The following HACE1 variants were observed in gnomAD, a reference collection of about 807,000 sequenced individuals.
HACE1 encodes the protein HECT domain and ankyrin repeat containing E3 ubiquitin protein ligase 1, also known as E3 ubiquitin-protein ligase HACE1.
A neutral mutation model predicts 118.4 loss-of-function variants in HACE1; 73 were observed. The observed-to-expected ratio is 0.62, with a 90% CI of 0.51 to 0.75. The LOEUF is 0.75. Among genes scored for constraint, HACE1 ranks in the 30% least tolerant of loss-of-function variants. The pLI, the probability that HACE1 is intolerant of heterozygous loss-of-function variation, is 0.00. For synonymous variants in HACE1, 368 were observed against 374.8 expected (o/e 0.98, Z 0.21); for missense variants, 749 against 1,102.2 (o/e 0.68, Z 4.54).
chr6:104,738,094 T>A (rs1215937471), intron 22 of HACE1, among the ~76,000 whole-genome samples: 1 of 151,698 alleles, frequency 6.6e-6, no homozygotes, highest in Non-Finnish European at 1.5e-5. Context: ...CCAACAGACC[T>A]GCAGCTGAGG....
intron 22 of HACE1, among the ~76,000 whole-genome samples, chr6:104,743,002 G>C (rs1776952222): frequency 6.6e-6 from 1 of 152,102 alleles, no homozygotes; most frequent in African/African-American, 2.4e-5. Context: ...ATGAGTTCAT[G>C]TTCTTCGTAG....
chr6:104,825,733 A>G (rs530636188), intron 6 of HACE1, among the ~76,000 whole-genome samples: 1 of 152,304 alleles, frequency 6.6e-6, no homozygotes, highest in South Asian at 2.1e-4. Context: ...CAGAACCTTG[A>G]GCAGCTGCTG....
chr6:104,859,522 C>A, intron 1 of HACE1, 45 bp downstream of exon 1: 1 of 1,408,890 alleles, frequency 7.1e-7, no homozygotes, highest in Non-Finnish European at 9.4e-7. Flanking sequence ...GCCCCACTGG[C>A]CGCCCCCAGC....
chr6:104,733,727 T>G (rs547394592), intron 22 of HACE1, among the ~76,000 whole-genome samples: 1 of 149,500 alleles, frequency 6.7e-6, no homozygotes, highest in Non-Finnish European at 1.5e-5. Context: ...TGTGTGCACC[T>G]GTAATTGGAG....
At chr6:104,816,708 G>C (rs962878552) in intron 6 of HACE1, among the ~76,000 whole-genome samples, 1 of 152,094 alleles carries the variant, frequency 6.6e-6, no homozygotes, top group African/African-American at 2.4e-5. Flanking sequence ...CCACCCCCCA[G>C]ACCCAACAAT....
intron 7 of HACE1, among the ~76,000 whole-genome samples, chr6:104,799,639 A>G (rs1770079600): frequency 6.6e-6 from 1 of 152,204 alleles, no homozygotes; most frequent in Non-Finnish European, 1.5e-5. Context: ...CAGAATTTGA[A>G]TCTGCATCAG....
intron 10 of HACE1, among the ~76,000 whole-genome samples, chr6:104,793,295 C>A (rs1783261557): frequency 6.6e-6 from 1 of 151,328 alleles, no homozygotes; most frequent in Non-Finnish European, 1.5e-5. Context: ...AATTAATTTC[C>A]TAACTCAAAC....
At chr6:104,839,167 A>G (rs1224446602) in intron 5 of HACE1, among the ~76,000 whole-genome samples, 2 of 152,194 alleles carry the variant, frequency 1.3e-5, no homozygotes, top group African/African-American at 2.4e-5. Context: ...GTGAATTAGT[A>G]TAGCCACTAC....
intron 22 of HACE1, among the ~76,000 whole-genome samples, chr6:104,735,850 T>C (rs1056176809): frequency 4.6e-5 from 7 of 152,042 alleles, no homozygotes; most frequent in Non-Finnish European, 1.0e-4. Context: ...TATTCATAAA[T>C]AGGAAAATTT....
At chr6:104,833,634 A>G (rs1209937444) in intron 5 of HACE1, among the ~76,000 whole-genome samples, 1 of 152,172 alleles carries the variant, frequency 6.6e-6, no homozygotes, top group Non-Finnish European at 1.5e-5. Flanking sequence ...GCTTGAAGCA[A>G]CGAGTTCAAG....
chr6:104,859,126 A>G (rs1255487107), intron 1 of HACE1, among the ~76,000 whole-genome samples: 4 of 152,212 alleles, frequency 2.6e-5, no homozygotes, highest in African/African-American at 9.7e-5. Flanking sequence ...CATTTTAAAA[A>G]ATAACAAAAA....
intron 1 of HACE1, among the ~76,000 whole-genome samples, chr6:104,858,958 G>C (rs1276397838): frequency 6.6e-6 from 1 of 152,144 alleles, no homozygotes; most frequent in African/African-American, 2.4e-5. Context: ...TTACCAGCTA[G>C]CCCACTCAAT....
rs549889956 is a variant in HACE1, at chr6:104,831,591, A to G, written c.534+1451T>C. Among the ~76,000 whole-genome samples the G allele has an allele frequency of 1.2e-3, 167 of 139,018 alleles. 3 individuals carry two copies. The highest frequency in any genetic ancestry group is 3.1e-3 in the African/African-American group (114 of 37,178). 91.2% of individuals were successfully genotyped at this position (139,018 alleles called of 152,430 possible). ...CAGAGCGAGCCTCCGTCTCAAAAAA[A>G]AAAAGAAAAGAAAAGAAAGAGGCCG... On this transcript the variant is annotated intron_variant, in intron 6 of 23. Coordinates refer to ENST00000262903, the MANE Select transcript of HACE1 (RefSeq NM_020771.4).
chr6:104,735,408 A>T (rs1414710422), intron 22 of HACE1, among the ~76,000 whole-genome samples: 2 of 152,124 alleles, frequency 1.3e-5, no homozygotes, highest in African/African-American at 4.8e-5. Flanking sequence ...CGAGGCGGGC[A>T]GATCACAAGG....
At chr6:104,744,376 C>T (rs914164185) in intron 21 of HACE1, 136 bp downstream of exon 21, 2 of 794,210 alleles carry the variant, frequency 2.5e-6, no homozygotes, top group Non-Finnish European at 4.5e-6. Context: ...CTTTCATATG[C>T]ACTATTCCCA....
At chr6:104,780,481 A>T (rs1049233809) in intron 14 of HACE1, 13 of 346,666 alleles carry the variant, frequency 3.8e-5, no homozygotes, top group Non-Finnish European at 6.6e-5. Flanking sequence ...ACAGAAGAAG[A>T]AGTCAATCCC....
chr6:104,857,409 G>A (rs1245914938), intron 1 of HACE1, among the ~76,000 whole-genome samples: 1 of 151,552 alleles, frequency 6.6e-6, no homozygotes, highest in Non-Finnish European at 1.5e-5. Context: ...CTAGTTTCTG[G>A]GCACTCTCGG....
chr6:104,775,018 G>C (rs951108167), intron 17 of HACE1, among the ~76,000 whole-genome samples: 17 of 152,092 alleles, frequency 1.1e-4, no homozygotes, highest in African/African-American at 4.1e-4. Flanking sequence ...ACACCAAAGA[G>C]GAGACTGATA....
At chr6:104,740,531 C>T (rs1384000512) in intron 22 of HACE1, among the ~76,000 whole-genome samples, 1 of 152,112 alleles carries the variant, frequency 6.6e-6, no homozygotes. Context: ...ACTACAAACA[C>T]CTCTATGCAA....
Sources: gnomAD v4.1 joint callset for allele counts (sites outside exome capture counted in the v4.1 genomes callset) on GRCh38, gnomAD v4.1.1 for gene constraint, MANE v1.5 for transcripts, NCBI Gene and HGNC (gene_info 2026-07-23, HGNC 2026-07-21) for gene names.